Variants in ZNF469 observed in about 807,000 individuals in gnomAD.
ZNF469 encodes the protein zinc finger protein 469.
ZNF469 carries 1 observed loss-of-function variant against 1.0 expected under a neutral mutation model. The ratio of observed to expected loss-of-function variants is 1.00; its 90% CI spans 0.35 to 4.73. The LOEUF (loss-of-function observed/expected upper bound fraction) is 4.73, where lower values mean the gene tolerates loss of function less well. ZNF469 is among the 30% of genes most tolerant of loss of function. The probability of loss-of-function intolerance (pLI) is 0.16; values close to 1 mark genes in which losing one functional copy is unlikely to be tolerated. For synonymous variants in ZNF469, 2,703 were observed against 2,363.4 expected (o/e 1.14, Z -4.17); for missense variants, 6,100 against 5,356.3 (o/e 1.14, Z -4.33).
the ZNF469 span, among the ~76,000 whole-genome samples, chr16:88,280,568 T>C: frequency 6.7e-6 from 1 of 150,256 alleles, no homozygotes; most frequent in East Asian, 1.9e-4. Flanking sequence ...GCTTGATCAG[T>C]ACTATGCTGA....
chr16:88,428,085 C>T lies in ZNF469; in HGVS notation c.615C>T (p.Pro205=), dbSNP rs984480763. ...CCTCACCAAGCGCCACCCCCAGGCC[C>T]CCAGCCCCGGGGCCCCCCCAGAGCA... ...NYTSPSATPR[P]PAPGPPQSRG... The change falls in exon 3 of 3, where the codon CCC becomes CCT. Residue 205 remains proline (P), a synonymous_variant. Coordinates refer to ENST00000565624, the MANE Select transcript of ZNF469 (RefSeq NM_001367624.2). 1 of 1,550,046 alleles carries T rather than the reference C, an allele frequency of 6.5e-7. No homozygotes were observed. The highest frequency in any genetic ancestry group is 8.7e-7 in the Non-Finnish European group (1 of 1,146,898).
At chr16:88,132,667 A>C in the ZNF469 span, among the ~76,000 whole-genome samples, 1 of 151,188 alleles carries the variant, frequency 6.6e-6, no homozygotes, top group Admixed American at 6.6e-5. Context: ...CTTTCATCTT[A>C]CGAGAGCAGA....
At chr16:88,419,973 A>G (rs1004807187) in intron 1 of ZNF469, among the ~76,000 whole-genome samples, 2 of 152,234 alleles carry the variant, frequency 1.3e-5, no homozygotes, top group Non-Finnish European at 2.9e-5. Context: ...ACACAGTAGC[A>G]GACCCTGGCT....
At chr16:88,305,624 GCACA>G in the ZNF469 span, among the ~76,000 whole-genome samples, 1 of 148,868 alleles carries the variant, frequency 6.7e-6, no homozygotes, top group Non-Finnish European at 1.5e-5. Context: ...ACCCTCACGT[GCACA>G]CACATTCTCA....
chr16:88,263,382 C>T, the ZNF469 span, among the ~76,000 whole-genome samples: 10 of 152,322 alleles, frequency 6.6e-5, no homozygotes, highest in Non-Finnish European at 1.3e-4. Context: ...CTCTGTGAAT[C>T]GGGAACGCCC....
chr16:88,359,154 C>G, the ZNF469 span, among the ~76,000 whole-genome samples: 5 of 151,980 alleles, frequency 3.3e-5, no homozygotes, highest in Non-Finnish European at 5.9e-5. Context: ...CCTGGGGGCT[C>G]GGTATCCTGC....
the ZNF469 span, among the ~76,000 whole-genome samples, chr16:88,357,938 C>A: frequency 6.6e-6 from 1 of 152,236 alleles, no homozygotes; most frequent in Non-Finnish European, 1.5e-5. Context: ...GCCTTCCACA[C>A]CCGCAGTACA....
intron 1 of ZNF469, among the ~76,000 whole-genome samples, chr16:88,420,368 G>A (rs558225008): frequency 6.6e-6 from 1 of 152,092 alleles, no homozygotes; most frequent in Admixed American, 6.5e-5. Flanking sequence ...GGTTGCTTAG[G>A]ATGCCTGGCT....
the ZNF469 span, among the ~76,000 whole-genome samples, chr16:88,363,917 G>A: frequency 6.6e-6 from 1 of 152,174 alleles, no homozygotes; most frequent in East Asian, 1.9e-4. Context: ...CCATTAGCAG[G>A]AACAGAACTT....
chr16:88,224,403 G>C, the ZNF469 span, among the ~76,000 whole-genome samples: 6 of 152,244 alleles, frequency 3.9e-5, no homozygotes, highest in African/African-American at 1.4e-4. Context: ...CGCGGATGAG[G>C]TGTGAATCTG....
chr16:88,259,458 G>C, the ZNF469 span, among the ~76,000 whole-genome samples: 611 of 152,290 alleles, frequency 4.0e-3, 4 homozygotes, highest in African/African-American at 0.014. The surrounding 1 kb of genome is among the most constrained non-coding windows in gnomAD (Gnocchi z 4.1). Context: ...TGTAGATGTG[G>C]ATGCCCCGCA....
chr16:88,351,635 G>C, the ZNF469 span, among the ~76,000 whole-genome samples: 5 of 152,226 alleles, frequency 3.3e-5, no homozygotes, highest in African/African-American at 4.8e-5. Context: ...GTCCCGTGCT[G>C]TGGCGGCCGC....
At chr16:88,213,661 C>A in the ZNF469 span, among the ~76,000 whole-genome samples, 1 of 152,170 alleles carries the variant, frequency 6.6e-6, no homozygotes, top group East Asian at 1.9e-4. Context: ...CCTCCTCCCC[C>A]AAAAGGGTTG....
At chr16:88,375,945 A>C in the ZNF469 span, among the ~76,000 whole-genome samples, 1 of 152,258 alleles carries the variant, frequency 6.6e-6, no homozygotes, top group African/African-American at 2.4e-5. Flanking sequence ...TGGAGTGGAT[A>C]AGCCATTTGG....
the ZNF469 span, among the ~76,000 whole-genome samples, chr16:88,109,892 C>T: frequency 6.6e-6 from 1 of 152,224 alleles, no homozygotes. Flanking sequence ...TCACCTTTGG[C>T]CCCTGGGCAC....
At chr16:88,169,115 G>C in the ZNF469 span, among the ~76,000 whole-genome samples, 1 of 152,126 alleles carries the variant, frequency 6.6e-6, no homozygotes, top group Non-Finnish European at 1.5e-5. This position sits in a 1 kb window ranked among gnomAD's most constrained non-coding sequence, Gnocchi z 6.1. Context: ...GTGGGTGGGA[G>C]GGTCAGCTGT....
At chr16:88,166,772 A>AACCACACAC in the ZNF469 span, among the ~76,000 whole-genome samples, 1 of 145,782 alleles carries the variant, frequency 6.9e-6, no homozygotes, top group African/African-American at 2.6e-5. This position sits in a 1 kb window ranked among gnomAD's most constrained non-coding sequence, Gnocchi z 4.5. Context: ...CAGAATCATA[A>AACCACACAC]ACACACACAC....
the ZNF469 span, among the ~76,000 whole-genome samples, chr16:88,367,710 C>T: frequency 6.6e-6 from 1 of 152,246 alleles, no homozygotes; most frequent in Non-Finnish European, 1.5e-5. Context: ...CATCCTTGGG[C>T]ACCATCCTGA....
chr16:88,119,963 C>G, the ZNF469 span, among the ~76,000 whole-genome samples: 1 of 152,152 alleles, frequency 6.6e-6, no homozygotes, highest in Non-Finnish European at 1.5e-5. Context: ...GGTGTTGGGT[C>G]TCTCTGCCGC....
Sources: allele counts gnomAD v4.1 joint callset (sites outside exome capture counted in the v4.1 genomes callset), GRCh38; gene constraint gnomAD v4.1.1; non-coding constraint Gnocchi (gnomAD v3.1); transcripts MANE v1.5; gene names NCBI Gene and HGNC (gene_info 2026-07-23, HGNC 2026-07-21).